RGL1: variants seen among roughly 807,000 people sequenced by gnomAD.
RGL1 encodes the protein ral guanine nucleotide dissociation stimulator-like 1.
RGL1 carries 24 observed loss-of-function variants against 95.2 expected under a neutral mutation model. The ratio of observed to expected loss-of-function variants is 0.25; its 90% CI spans 0.18 to 0.35. RGL1 has a LOEUF of 0.35. Among genes scored for constraint, RGL1 ranks in the 10% least tolerant of loss-of-function variants. RGL1 has a pLI of 1.00. For missense variants in RGL1, 715 were observed against 936.3 expected (o/e 0.76, Z 3.08); for synonymous variants, 329 against 344.9 (o/e 0.95, Z 0.51).
At chr1:183,703,070 G>C (rs1201210738) in intron 1 of RGL1, among the ~76,000 whole-genome samples, 1 of 152,152 alleles carries the variant, frequency 6.6e-6, no homozygotes, top group African/African-American at 2.4e-5. Flanking sequence ...GACAAACACT[G>C]TTGGCACAAG....
chr1:183,736,341 T>C (rs1656938888), intron 1 of RGL1, among the ~76,000 whole-genome samples: 1 of 152,214 alleles, frequency 6.6e-6, no homozygotes, highest in South Asian at 2.1e-4. Flanking sequence ...AATGCTTTAC[T>C]TTTGTAACTG....
chr1:183,922,360 ATGTTCCT>A (rs1261389857), intron 17 of RGL1, 24 bp downstream of exon 17: 33 of 1,569,936 alleles, frequency 2.1e-5, no homozygotes, highest in Non-Finnish European at 2.8e-5. Flanking sequence ...CGAGACAGGC[ATGTTCCT>A]TCCCAGGGCA....
At position 183,900,612 on chromosome 1, in the gene RGL1, C is replaced by T. The variant is rs551640362; in HGVS notation, c.1317+376C>T. Among the ~76,000 whole-genome samples, 138 of 152,256 alleles carry T rather than the reference C, an allele frequency of 9.1e-4. 1 individual carries two copies. Among genetic ancestry groups the T allele is most frequent in the Non-Finnish European group, 1.3e-3 (90 of 68,018 alleles). On this transcript the variant is annotated intron_variant, in intron 11 of 17. Coordinates refer to ENST00000360851, the MANE Select transcript of RGL1 (RefSeq NM_001297671.3). Reference sequence around the variant, plus strand: ...CTCTGCCTCTCGGGTTCAAGCAATTCTCCTGCCTCAGCCTCCCAAGTAGCT... The same window carrying T: ...CTCTGCCTCTCGGGTTCAAGCAATTTTCCTGCCTCAGCCTCCCAAGTAGCT...
intron 2 of RGL1, among the ~76,000 whole-genome samples, chr1:183,819,246 A>G (rs1020232555): frequency 8.5e-5 from 13 of 152,208 alleles, no homozygotes; most frequent in Non-Finnish European, 1.5e-4. Context: ...ACACATCTCC[A>G]TGAACATAGT....
chr1:183,893,200 A>G (rs1374089760), intron 9 of RGL1, among the ~76,000 whole-genome samples: 3 of 152,206 alleles, frequency 2.0e-5, no homozygotes, highest in Non-Finnish European at 4.4e-5. Context: ...TCTTAAGGGG[A>G]TTACAGTCTC....
At chr1:183,918,939 A>G (rs942730517) in intron 16 of RGL1, among the ~76,000 whole-genome samples, 2 of 152,242 alleles carry the variant, frequency 1.3e-5, no homozygotes, top group African/African-American at 4.8e-5. Flanking sequence ...GCTGTTGACC[A>G]GAAGATGGAA....
intron 1 of RGL1, among the ~76,000 whole-genome samples, chr1:183,657,421 C>T (rs1651253231): frequency 2.0e-5 from 3 of 152,194 alleles, no homozygotes. Context: ...GGTATATCTC[C>T]TAATGCTATC....
At chr1:183,685,904 C>T (rs1272969942) in intron 1 of RGL1, among the ~76,000 whole-genome samples, 1 of 152,140 alleles carries the variant, frequency 6.6e-6, no homozygotes, top group African/African-American at 2.4e-5. Context: ...ATACGTGGGA[C>T]CATTGTAGTT....
At chr1:183,653,591 C>T (rs186665480) in intron 1 of RGL1, among the ~76,000 whole-genome samples, 45 of 152,274 alleles carry the variant, frequency 3.0e-4, no homozygotes, top group African/African-American at 1.1e-3. Flanking sequence ...CTGTTGCCTG[C>T]GTGGGTGCCA....
chr1:183,779,158 CCCTTCCTTCCTTCCTT>C (rs34992555), intron 2 of RGL1, among the ~76,000 whole-genome samples: 4,228 of 91,836 alleles, frequency 0.046, 117 homozygotes, highest in Non-Finnish European at 0.051. Context: ...TCAAAATTTT[CCCTTCCTTCCTTCCTT>C]CCTTCCTTCC....
intron 2 of RGL1, among the ~76,000 whole-genome samples, chr1:183,830,304 A>G (rs1301209584): frequency 2.6e-5 from 4 of 152,212 alleles, no homozygotes; most frequent in Non-Finnish European, 5.9e-5. Flanking sequence ...AGAACCTGGT[A>G]TGGGAAAAAG....
At chr1:183,686,190 G>A (rs1653571410) in intron 1 of RGL1, among the ~76,000 whole-genome samples, 1 of 151,906 alleles carries the variant, frequency 6.6e-6, no homozygotes, top group African/African-American at 2.4e-5. Context: ...GCCCTTTTGT[G>A]TCACTTTCTT....
chr1:183,669,646 G>A (rs1208229929), intron 1 of RGL1, among the ~76,000 whole-genome samples: 1 of 152,208 alleles, frequency 6.6e-6, no homozygotes, highest in Non-Finnish European at 1.5e-5. Flanking sequence ...TAGTAATGTA[G>A]TGGTAAGGTG....
chr1:183,866,137 T>C, intron 4 of RGL1, 64 bp downstream of exon 4: 1 of 1,321,300 alleles, frequency 7.6e-7, no homozygotes, highest in African/African-American at 1.5e-5. Context: ...AGTAGTTTAG[T>C]AGAGTATTTT....
intron 2 of RGL1, among the ~76,000 whole-genome samples, chr1:183,838,365 T>C (rs1483405622): frequency 6.6e-6 from 1 of 152,176 alleles, no homozygotes; most frequent in African/African-American, 2.4e-5. Context: ...TAGGAAACCC[T>C]ACTGAGACAG....
chr1:183,881,767 A>G (rs11585126), intron 5 of RGL1, among the ~76,000 whole-genome samples: 67,622 of 152,136 alleles, frequency 0.44, 15,215 homozygotes, highest in East Asian at 0.49. Context: ...GGGAAATGCA[A>G]TTGCATCATT....
intron 2 of RGL1, among the ~76,000 whole-genome samples, chr1:183,818,097 C>A (rs1479863720): frequency 6.6e-6 from 1 of 152,176 alleles, no homozygotes; most frequent in Non-Finnish European, 1.5e-5. Flanking sequence ...GCTTGTAAAA[C>A]TTTAGATGAC....
At chr1:183,746,621 T>C (rs1425658812) in intron 2 of RGL1, among the ~76,000 whole-genome samples, 1 of 86,246 alleles carries the variant, frequency 1.2e-5, no homozygotes, top group East Asian at 6.4e-4. Context: ...AGTATACATG[T>C]ATTTTTTTTT....
chr1:183,650,807 T>G (rs1199211407), intron 1 of RGL1, among the ~76,000 whole-genome samples: 2 of 151,922 alleles, frequency 1.3e-5, no homozygotes, highest in Non-Finnish European at 2.9e-5. Flanking sequence ...TATCACATTC[T>G]CTTACAATGT....
Sources: allele counts gnomAD v4.1 joint callset (sites outside exome capture counted in the v4.1 genomes callset), GRCh38; gene constraint gnomAD v4.1.1; transcripts MANE v1.5; gene names NCBI Gene and HGNC (gene_info 2026-07-23, HGNC 2026-07-21).